Variants in VARS2 observed in about 807,000 individuals in gnomAD.
The protein encoded by VARS2 is valine--tRNA ligase, mitochondrial.
A neutral mutation model predicts 154.1 loss-of-function variants in VARS2; 105 were observed. That is an observed-to-expected ratio of 0.68 (90% CI 0.58 to 0.80). The LOEUF (loss-of-function observed/expected upper bound fraction) is 0.80, where lower values mean the gene tolerates loss of function less well. VARS2 is among the 30% of genes least tolerant of loss of function. The pLI is 0.00. For synonymous variants in VARS2, 483 were observed against 539.5 expected, an observed-to-expected ratio of 0.90 and a Z score of 1.45; for missense variants, 1,157 against 1,361.4, an observed-to-expected ratio of 0.85 and a Z score of 2.36.
rs749215878 is a variant in VARS2 at position 30,915,714 on chromosome 6, T to TC, written c.385-31dup. On this transcript the variant is annotated intron_variant, in intron 4 of 29. Coordinates refer to ENST00000676266, the MANE Select transcript of VARS2 (RefSeq NM_020442.6). ...GTGCTCTTTCCCCAATCCAATTCTC[T>TC]CTTGCCCCTTTGACTTTTTTTCTTC... The TC allele has an allele frequency of 9.3e-6, 15 of 1,611,770 alleles. 1 individual carries two copies. Among genetic ancestry groups the TC allele is most frequent in the Admixed American group, 8.3e-5 (5 of 59,970 alleles).
In VARS2 at chr6:30,917,574, T is replaced by C. The variant is rs1178412440; in HGVS notation, c.874-121T>C. The C allele has an allele frequency of 1.0e-6, 1 of 965,256 alleles. No homozygotes were observed. The highest frequency in any genetic ancestry group is 1.7e-5 in the African/African-American group (1 of 60,360). 59.8% of individuals were successfully genotyped at this position (965,256 alleles called of 1,614,324 possible). On this transcript the variant is annotated intron_variant, in intron 9 of 29. Coordinates refer to ENST00000676266, the MANE Select transcript of VARS2 (RefSeq NM_020442.6). The surrounding 1 kb of genome is among the most constrained non-coding windows in gnomAD (Gnocchi z 4.4). ...GCAGAGGGAGGTAGCTCCCGAATCC[T>C]CCAAATGGCTTTTAGATGGATTGCA... is the stretch of plus-strand genomic sequence containing the variant.
In VARS2 at chr6:30,923,437, C is replaced by T. The variant is rs766546304; in HGVS notation, c.2398C>T (p.Arg800Ter). The T allele has an allele frequency of 8.7e-6, 14 of 1,612,130 alleles. No homozygotes were observed. The highest frequency in any genetic ancestry group is 1.3e-5 in the African/African-American group (1 of 74,934). ...GGAGTGTGAGCGGGGCTTCCTCACC[C>T]GAGAGCTCTCGCTCGTCACTCATGC... ...AQECERGFLT[R>*]ELSLVTHALH... is the part of the protein sequence containing the mutation. Residue 800 changes from arginine (R) to a stop codon, truncating the protein, a stop_gained, in exon 25 of 30, where the codon CGA becomes TGA. Transcript: ENST00000676266. LOFTEE classifies it high-confidence loss of function.
Position 30,920,425 on chromosome 6 carries a change from GC to G in VARS2, c.1389del (p.Ile464SerfsTer8). The G allele has an allele frequency of 6.2e-7, 1 of 1,607,660 alleles. No individual in the cohort carries two copies. The highest frequency in any genetic ancestry group is 8.5e-7 in the Non-Finnish European group (1 of 1,177,794). On this transcript the variant is annotated frameshift_variant, in exon 14 of 30. Transcript: ENST00000676266. LOFTEE classifies it high-confidence loss of function. This position sits in a 1 kb window ranked among gnomAD's most constrained non-coding sequence, Gnocchi z 4.6. Reference protein sequence around the residue: ...RGLQNHPMVLPICSRSGDVIE... With the variant: ...RGLQNHPMVLXICSRSGDVIE... ...GCCTCCAGAACCACCCCATGGTACT[GC>G]CCATCTGCAGGTAACCTCATTTTAA... is the stretch of plus-strand genomic sequence containing the variant.
Position 30,915,869 on chromosome 6 carries a change from T to A in VARS2, c.506+2T>A. ...CATACAGGATGCCCTCGTGCGCTGG[T>A]GAGAGGGGAGTGGGGGCTGCTTGAG... On this transcript the variant is annotated splice_donor_variant, in intron 5 of 29. Coordinates refer to ENST00000676266, the MANE Select transcript of VARS2 (RefSeq NM_020442.6). LOFTEE classifies it high-confidence loss of function. 6.2e-7 allele frequency: 1 copy of A among 1,613,582 alleles called. No homozygotes were observed. Among genetic ancestry groups the A allele is most frequent in the Non-Finnish European group, 8.5e-7 (1 of 1,179,902 alleles).
intron 25 of VARS2, chr6:30,923,806 G>C: frequency 2.2e-6 from 1 of 458,556 alleles, no homozygotes; most frequent in South Asian, 3.2e-5. Context: ...TGCTGAGTTT[G>C]GCCCATGGGC....
rs1394386804 is a variant in VARS2, at chr6:30,921,082, C to T, written c.1497C>T (p.Ala499=). ...CTCTCCAGGCTGTGGAGTCGGGGGC[C>T]CTGGAGCTCAGTCCCTCCTTCCACC... is the stretch of plus-strand genomic sequence containing the variant. ...ARAAKAVESG[A]LELSPSFHQK... is the part of the protein sequence containing the mutation. The change falls in exon 16 of 30, where the codon GCC becomes GCT. Residue 499 remains alanine, a synonymous_variant. Transcript: ENST00000676266. This position sits in a 1 kb window ranked among gnomAD's most constrained non-coding sequence, Gnocchi z 4.6. 1.9e-6 allele frequency: 3 copies of T among 1,613,454 alleles called. No homozygotes were observed. Among genetic ancestry groups the T allele is most frequent in the Non-Finnish European group, 1.7e-6 (2 of 1,179,658 alleles).
At position 30,921,023 on chromosome 6, in the gene VARS2, T is replaced by A. The variant is rs377079857; in HGVS notation, c.1480-42T>A. On this transcript the variant is annotated intron_variant, in intron 15 of 29. Coordinates refer to ENST00000676266, the MANE Select transcript of VARS2 (RefSeq NM_020442.6). This position sits in a 1 kb window ranked among gnomAD's most constrained non-coding sequence, Gnocchi z 4.6. ...CGTCCTATCTGTGGAGGTGCGGCCG[T>A]GCAGGAAGGGCAACATTGTCTAAAG... 4 of 1,575,286 alleles carry A rather than the reference T, an allele frequency of 2.5e-6. No individual in the cohort carries two copies. The highest frequency in any genetic ancestry group is 3.5e-6 in the Non-Finnish European group (4 of 1,159,168).
rs139561302 is a variant in VARS2, at chr6:30,920,263, C to G, written c.1293+47C>G. On this transcript the variant is annotated intron_variant, in intron 13 of 29. Transcript: ENST00000676266. The surrounding 1 kb of genome is among the most constrained non-coding windows in gnomAD (Gnocchi z 4.6). Reference sequence around the variant, plus strand: ...CCATCCTTTGGGGGCTCTCTGTCCCCCTAATCCTCCTCCTAGTTTCTTATT... The same window carrying G: ...CCATCCTTTGGGGGCTCTCTGTCCCGCTAATCCTCCTCCTAGTTTCTTATT... 6.4e-7 allele frequency: 1 copy of G among 1,566,242 alleles called. No homozygotes were observed. The highest frequency in any genetic ancestry group is 8.6e-7 in the Non-Finnish European group (1 of 1,157,260).
rs771093975 is a variant in VARS2 at position 30,917,748 on chromosome 6, C to A, written c.927C>A (p.Pro309=). 1 of 1,567,814 alleles carries A rather than the reference C, an allele frequency of 6.4e-7. No homozygotes were observed. The highest frequency in any genetic ancestry group is 8.7e-7 in the Non-Finnish European group (1 of 1,155,796). ...GHTQLRLPGC[P]TPVSFGLLFS... The stretch of plus-strand genomic sequence containing the variant: ...CACAGCTTCGACTGCCTGGCTGCCC[C>A]ACCCCCGTGTCTTTTGGCCTCCTAT... Residue 309 remains proline (P), a synonymous_variant, in exon 10 of 30, where the codon CCC becomes CCA. Coordinates refer to ENST00000676266, the MANE Select transcript of VARS2 (RefSeq NM_020442.6). The surrounding 1 kb of genome is among the most constrained non-coding windows in gnomAD (Gnocchi z 4.4).
At position 30,923,407 on chromosome 6, in the gene VARS2, GC is replaced by G; in HGVS notation, c.2371del (p.Gln791ArgfsTer35). The G allele has an allele frequency of 6.2e-7, 1 of 1,612,264 alleles. No individual in the cohort carries two copies. The highest frequency in any genetic ancestry group is 8.5e-7 in the Non-Finnish European group (1 of 1,179,994). ...GATCCTGAGCCGCCTTGCCCTGGCT[GC>G]CCAGGAGTGTGAGCGGGGCTTCCTC... ...AWILSRLALA[A>X]QECERGFLTR... On this transcript the variant is annotated frameshift_variant, in exon 25 of 30. Coordinates refer to ENST00000676266, the MANE Select transcript of VARS2 (RefSeq NM_020442.6). LOFTEE classifies it high-confidence loss of function.
chr6:30,915,261 C>T, intron 3 of VARS2, 24 bp downstream of exon 3: 3 of 1,613,336 alleles, frequency 1.9e-6, no homozygotes, highest in Non-Finnish European at 2.5e-6. Context: ...GTAAGAAGGC[C>T]TTTTCTTTCA....
chr6:30,923,700 C>A, intron 25 of VARS2, 195 bp downstream of exon 25: 1 of 709,422 alleles, frequency 1.4e-6, no homozygotes, highest in Non-Finnish European at 2.2e-6. Flanking sequence ...CTGTTGCCTG[C>A]CTGTCACCTG....
At chr6:30,923,570 A>T in intron 25 of VARS2, 65 bp downstream of exon 25, 1 of 1,567,672 alleles carries the variant, frequency 6.4e-7, no homozygotes, top group Non-Finnish European at 8.6e-7. Flanking sequence ...GAAATTTCCA[A>T]GGCAGAGAGC....
At chr6:30,914,606 C>T (rs1794026091) in intron 1 of VARS2, 1 of 1,187,228 alleles carries the variant, frequency 8.4e-7, no homozygotes, top group Admixed American at 3.2e-5. Flanking sequence ...CGGCCCTGTT[C>T]CGGAAGAGCC....
At position 30,921,475 on chromosome 6, in the gene VARS2, A is replaced by G; in HGVS notation, c.1633-114A>G. 7.0e-7 allele frequency: 1 copy of G among 1,432,962 alleles called. No individual in the cohort carries two copies. Among genetic ancestry groups the G allele is most frequent in the South Asian group, 1.2e-5 (1 of 81,858 alleles). The allele number at this position is 1,432,962 out of a possible 1,614,324, so 88.8% of individuals were successfully genotyped here. On this transcript the variant is annotated intron_variant, in intron 17 of 29. Coordinates refer to ENST00000676266, the MANE Select transcript of VARS2 (RefSeq NM_020442.6). This position sits in a 1 kb window ranked among gnomAD's most constrained non-coding sequence, Gnocchi z 4.6. The stretch of plus-strand genomic sequence containing the variant: ...CCCTGAAGTGGCATTTCTTTATCTC[A>G]CCCCTGGGGGAACCTGGCCACTCTA...
rs1794129026 is a variant in VARS2, at chr6:30,915,874, G to T, written c.506+7G>T. ...AGGATGCCCTCGTGCGCTGGTGAGA[G>T]GGGAGTGGGGGCTGCTTGAGTTCTT... is the stretch of plus-strand genomic sequence containing the variant. On this transcript the variant is annotated splice_region_variant and intron_variant, in intron 5 of 29. Transcript: ENST00000676266. The T allele has an allele frequency of 6.2e-7, 1 of 1,614,102 alleles. No homozygotes were observed. Among genetic ancestry groups the T allele is most frequent in the Non-Finnish European group, 8.5e-7 (1 of 1,179,992 alleles).
rs760048323 is a variant in VARS2 at position 30,914,931 on chromosome 6, C to G, written c.95C>G (p.Ser32Trp). The G allele has an allele frequency of 6.2e-7, 1 of 1,613,032 alleles. No homozygotes were observed. Among genetic ancestry groups the G allele is most frequent in the Non-Finnish European group, 8.5e-7 (1 of 1,180,028 alleles). ...AGGTTTCACTCCGTTTCTACACAGTCGGAGCCCCATGGATCTCCCATCTCC... is the reference window on the plus strand; with the variant it reads ...AGGTTTCACTCCGTTTCTACACAGTGGGAGCCCCATGGATCTCCCATCTCC... ...LPRFHSVSTQ[S>W]EPHGSPISRR... Residue 32 changes from serine to tryptophan, a missense_variant, in exon 2 of 30, where the codon TCG (serine) becomes TGG (tryptophan). Ser to Trp is a radical substitution (Grantham distance 177). Coordinates refer to ENST00000676266, the MANE Select transcript of VARS2 (RefSeq NM_020442.6).
Position 30,915,997 on chromosome 6 carries a change from G to C in VARS2, c.523G>C (p.Asp175His). The part of the protein sequence containing the change: ...ALVRWHRMRG[D>H]QVLWVPGSDH... Reference sequence around the variant, plus strand: ...TTGTTGCAGGCACCGGATGCGTGGGGATCAAGTGCTGTGGGTCCCTGGTTC... The same window carrying C: ...TTGTTGCAGGCACCGGATGCGTGGGCATCAAGTGCTGTGGGTCCCTGGTTC... Residue 175 changes from aspartate (D) to histidine (H), a missense_variant, in exon 6 of 30, where the codon GAT (aspartate) becomes CAT (histidine). Transcript: ENST00000676266. 2 of 1,614,060 alleles carry C rather than the reference G, an allele frequency of 1.2e-6. No homozygotes were observed. The highest frequency in any genetic ancestry group is 1.7e-6 in the Non-Finnish European group (2 of 1,179,904).
At position 30,920,867 on chromosome 6, in the gene VARS2, A is replaced by T; in HGVS notation, c.1479+118A>T. The T allele has an allele frequency of 9.1e-7, 1 of 1,093,324 alleles. No homozygotes were observed. Among genetic ancestry groups the T allele is most frequent in the Non-Finnish European group, 1.3e-6 (1 of 774,434 alleles). The allele number at this position is 1,093,324 out of a possible 1,614,324, so 67.7% of individuals were successfully genotyped here. A position where few individuals can be genotyped will look rare whatever the true frequency, so the allele number is the denominator to read the frequency against. Reference sequence around the variant, plus strand: ...CCTGAAGACCTCTCCAGCTGTGGTAACTGAGAGGATGTGTGGGATGGAGGC... The same window carrying T: ...CCTGAAGACCTCTCCAGCTGTGGTATCTGAGAGGATGTGTGGGATGGAGGC... On this transcript the variant is annotated intron_variant, in intron 15 of 29. Coordinates refer to ENST00000676266, the MANE Select transcript of VARS2 (RefSeq NM_020442.6). This position sits in a 1 kb window ranked among gnomAD's most constrained non-coding sequence, Gnocchi z 4.6.
Sources: gnomAD v4.1 joint callset for allele counts on GRCh38, gnomAD v4.1.1 for gene constraint, Gnocchi (gnomAD v3.1) non-coding constraint, MANE v1.5 for transcripts, NCBI Gene and HGNC (gene_info 2026-07-23, HGNC 2026-07-21) for gene names.